SAG: variants seen among roughly 807,000 people sequenced by gnomAD.
SAG encodes S-arrestin.
Under a neutral mutation model 55.0 loss-of-function variants are expected in SAG, and 45 were observed. The ratio of observed to expected loss-of-function variants is 0.82; its 90% CI spans 0.64 to 1.05. SAG has a LOEUF of 1.05. Among genes scored for constraint, SAG ranks in the 50% least tolerant of loss-of-function variants. SAG has a pLI of 0.00. For synonymous variants in SAG, 189 were observed against 197.4 expected, an observed-to-expected ratio of 0.96 and a Z score of 0.36; for missense variants, 455 against 512.1, an observed-to-expected ratio of 0.89 and a Z score of 1.08.
At chr2:233,308,967 C>A in intron 1 of SAG, 195 bp from the exon 2 acceptor site, 1 of 459,514 alleles carries the variant, frequency 2.2e-6, no homozygotes, top group Non-Finnish European at 3.9e-6. Context: ...TTGAAAACAC[C>A]CCAAAGCATG....
intron 2 of SAG, among the ~76,000 whole-genome samples, chr2:233,310,433 A>G (rs566836445): frequency 2.6e-5 from 4 of 151,638 alleles, no homozygotes; most frequent in Admixed American, 2.0e-4. Flanking sequence ...TGGAATGGCC[A>G]TATTTCAGGT....
chr2:233,326,861 C>A (rs556876763), intron 6 of SAG, among the ~76,000 whole-genome samples: 1 of 152,206 alleles, frequency 6.6e-6, no homozygotes, highest in Non-Finnish European at 1.5e-5. Context: ...TGACTCTCCA[C>A]GGCAGCAGGA....
At chr2:233,328,415 C>A in intron 7 of SAG, 63 bp from the exon 8 acceptor site, 2 of 1,574,492 alleles carry the variant, frequency 1.3e-6, no homozygotes, top group Admixed American at 1.7e-5. Flanking sequence ...GGGGAGAGAA[C>A]AGAAGCCTCC....
intron 12 of SAG, 123 bp downstream of exon 12, chr2:233,338,876 T>C (rs1019223735): frequency 1.2e-6 from 1 of 807,762 alleles, no homozygotes; most frequent in Non-Finnish European, 2.2e-6. Flanking sequence ...TACCAAGGAT[T>C]ACCAAGTAGA....
intron 11 of SAG, among the ~76,000 whole-genome samples, chr2:233,336,237 GGCCA>G (rs1205956317): frequency 6.6e-6 from 1 of 152,130 alleles, no homozygotes; most frequent in Non-Finnish European, 1.5e-5. Flanking sequence ...CGACTCGGCC[GGCCA>G]TGATGGCTCA....
At chr2:233,309,035 G>A (rs1277848089) in intron 1 of SAG, 127 bp from the exon 2 acceptor site, 5 of 568,176 alleles carry the variant, frequency 8.8e-6, no homozygotes, top group South Asian at 4.7e-5. Flanking sequence ...TGTTGAAGCC[G>A]GTACAAGGGC....
chr2:233,315,904 A>T (rs1214124652), intron 2 of SAG, among the ~76,000 whole-genome samples, 171 bp from the exon 3 acceptor site: 1 of 150,246 alleles, frequency 6.7e-6, no homozygotes, highest in Non-Finnish European at 1.5e-5. Context: ...ACAGGGTTTC[A>T]CCATATTGGC....
chr2:233,332,357 C>T (rs1003131117), intron 10 of SAG: 2 of 152,976 alleles, frequency 1.3e-5, no homozygotes, highest in South Asian at 2.0e-4. Flanking sequence ...GAGGATAGCT[C>T]GACCAGGTCT....
In SAG at chr2:233,338,724, C is replaced by T. The variant is rs1297320397; in HGVS notation, c.993C>T (p.Tyr331=). The T allele has an allele frequency of 1.2e-6, 2 of 1,613,848 alleles. No individual in the cohort carries two copies. The highest frequency in any genetic ancestry group is 8.5e-7 in the Non-Finnish European group (1 of 1,179,876). The change falls in exon 12 of 16, where the codon TAC becomes TAT. Residue 331 remains tyrosine (Y), a synonymous_variant. Transcript: ENST00000409110. ...CCGTCCTGGGAATCCTGGTGTCTTA[C>T]CAGATCAAGGTGAAGCTCACAGTGT... The part of the protein sequence containing the change: ...DRTVLGILVS[Y]QIKVKLTVSG...
intron 7 of SAG, chr2:233,328,147 A>G (rs755329748): frequency 2.4e-5 from 6 of 252,072 alleles, no homozygotes; most frequent in Non-Finnish European, 4.5e-5. Flanking sequence ...CAGCTATTCC[A>G]TGAGGCCCTT....
At chr2:233,317,797 A>G (rs1574931341) in intron 3 of SAG, among the ~76,000 whole-genome samples, 1 of 150,718 alleles carries the variant, frequency 6.6e-6, no homozygotes, top group East Asian at 1.9e-4. Flanking sequence ...TTTTCTCTAT[A>G]TGTGTGTGTG....
intron 14 of SAG, chr2:233,344,981 G>A (rs1041539082): frequency 6.6e-6 from 1 of 152,142 alleles, no homozygotes; most frequent in Non-Finnish European, 1.5e-5. Context: ...TGGGCCGCAG[G>A]GTATTTCTTG....
Position 233,320,799 on chromosome 2 carries a change from C to T in SAG, c.351C>T (p.Ser117=). ...LQESLLKKLG[S]NTYPFLLTFP... The stretch of plus-strand genomic sequence containing the variant: ...AGAGCCTGCTTAAAAAGCTGGGGAG[C>T]AACACGTACCCCTTTCTCCTGACGG... The change falls in exon 5 of 16, where the codon AGC becomes AGT. Residue 117 remains serine, a synonymous_variant. Transcript: ENST00000409110. 6.3e-7 allele frequency: 1 copy of T among 1,599,930 alleles called. No homozygotes were observed. The highest frequency in any genetic ancestry group is 1.7e-4 in the Middle Eastern group (1 of 6,052).
intron 9 of SAG, 53 bp from the exon 10 acceptor site, chr2:233,331,587 G>A (rs1700763875): frequency 2.6e-6 from 3 of 1,168,268 alleles, no homozygotes; most frequent in African/African-American, 1.5e-5. Flanking sequence ...CAGGGAAAGT[G>A]CACGTGTTGG....
chr2:233,345,440 A>G (rs931164233), intron 14 of SAG: 1 of 152,224 alleles, frequency 6.6e-6, no homozygotes, highest in Non-Finnish European at 1.5e-5. Flanking sequence ...AGGACATGGA[A>G]GGAGAAATAC....
intron 3 of SAG, among the ~76,000 whole-genome samples, chr2:233,317,782 G>A (rs1700251187): frequency 6.6e-6 from 1 of 151,970 alleles, no homozygotes; most frequent in Non-Finnish European, 1.5e-5. Flanking sequence ...AAAATGATTA[G>A]CACGTTTTCT....
At position 233,333,641 on chromosome 2, in the gene SAG, A is replaced by AGT. The variant is rs1700837255; in HGVS notation, c.807-1321_807-1320insGT. The AGT allele has an allele frequency of 2.0e-5, 3 of 152,278 alleles. No individual in the cohort carries two copies. The East Asian group carries it at 5.8e-4, about 29-fold the overall frequency. 9.4% of individuals were successfully genotyped at this position (152,278 alleles called of 1,614,324 possible). ...CCCCACCATCCAAACCCACATCCTG[A>AGT]AGCTCTGGGGAGTGGCCCCAGAGCC... On this transcript the variant is annotated intron_variant, in intron 10 of 15. Transcript: ENST00000409110.
chr2:233,323,253 T>C (rs1482521636), intron 6 of SAG, among the ~76,000 whole-genome samples: 1 of 152,146 alleles, frequency 6.6e-6, no homozygotes, highest in Non-Finnish European at 1.5e-5. Context: ...GAGGCGGGGT[T>C]TCACCACACT....
At chr2:233,337,983 T>C (rs979850574) in intron 11 of SAG, among the ~76,000 whole-genome samples, 2 of 152,230 alleles carry the variant, frequency 1.3e-5, no homozygotes, top group African/African-American at 2.4e-5. Context: ...GAACGTCACA[T>C]TGCACTGTCT....
Sources: allele counts gnomAD v4.1 joint callset (sites outside exome capture counted in the v4.1 genomes callset), GRCh38; gene constraint gnomAD v4.1.1; transcripts MANE v1.5; gene names NCBI Gene and HGNC (gene_info 2026-07-23, HGNC 2026-07-21).